PHF20: variants seen among roughly 807,000 people sequenced by gnomAD.
PHF20 encodes PHD finger protein 20.
PHF20 carries 23 observed loss-of-function variants against 113.5 expected under a neutral mutation model. The ratio of observed to expected loss-of-function variants is 0.20; its 90% confidence interval spans 0.15 to 0.29. The LOEUF (loss-of-function observed/expected upper bound fraction) is 0.29, where lower values mean the gene tolerates loss of function less well. PHF20 is among the 10% of genes least tolerant of loss of function. PHF20 has a pLI of 1.00. For missense variants in PHF20, 943 were observed against 1,219.6 expected (o/e 0.77, Z 3.38); for synonymous variants, 434 against 457.3 (o/e 0.95, Z 0.65).
chr20:35,793,880 C>G (rs1015513477), intron 1 of PHF20, among the ~76,000 whole-genome samples: 1 of 150,120 alleles, frequency 6.7e-6, no homozygotes, highest in Non-Finnish European at 1.5e-5. Flanking sequence ...CGCCTGTAAT[C>G]CCAGCTACTG....
intron 12 of PHF20, among the ~76,000 whole-genome samples, chr20:35,916,864 G>T (rs1313909498): frequency 6.6e-6 from 1 of 151,560 alleles, no homozygotes; most frequent in Non-Finnish European, 1.5e-5. Flanking sequence ...CAGGCTCAAG[G>T]GATCCTCCTG....
chr20:35,819,838 G>A (rs939173842), intron 2 of PHF20, among the ~76,000 whole-genome samples: 1 of 152,152 alleles, frequency 6.6e-6, no homozygotes, highest in Non-Finnish European at 1.5e-5. Context: ...GCCAAGGGTC[G>A]TTAATCATGT....
intron 2 of PHF20, among the ~76,000 whole-genome samples, chr20:35,811,272 C>G (rs2041972662): frequency 6.6e-6 from 1 of 152,094 alleles, no homozygotes; most frequent in South Asian, 2.1e-4. Flanking sequence ...ATCTTGATCT[C>G]TTGACCTCAT....
At chr20:35,936,607 G>T (rs528858121) in intron 15 of PHF20, among the ~76,000 whole-genome samples, 5 of 152,072 alleles carry the variant, frequency 3.3e-5, no homozygotes, top group African/African-American at 1.2e-4. Flanking sequence ...TCTTTGGAAT[G>T]GTGCGAATAA....
intron 2 of PHF20, among the ~76,000 whole-genome samples, chr20:35,812,666 C>T (rs777516658): frequency 2.4e-4 from 36 of 152,068 alleles, no homozygotes; most frequent in Non-Finnish European, 4.3e-4. Flanking sequence ...TGCATCACAT[C>T]GGGGGACACA....
intron 2 of PHF20, among the ~76,000 whole-genome samples, chr20:35,821,295 A>C (rs2042163775): frequency 6.6e-6 from 1 of 151,552 alleles, no homozygotes; most frequent in Non-Finnish European, 1.5e-5. Flanking sequence ...ATTAGCCTGG[A>C]GTGTTGGTGG....
intron 10 of PHF20, among the ~76,000 whole-genome samples, chr20:35,900,625 G>A (rs1250499855): frequency 6.6e-6 from 1 of 152,196 alleles, no homozygotes; most frequent in Non-Finnish European, 1.5e-5. Context: ...CCTGAGGTCA[G>A]GAGTTCGAGA....
At chr20:35,895,545 CTA>C (rs1478503448) in intron 9 of PHF20, among the ~76,000 whole-genome samples, 1 of 152,056 alleles carries the variant, frequency 6.6e-6, no homozygotes, top group African/African-American at 2.4e-5. Flanking sequence ...CCAAAATAAA[CTA>C]TTTTTTGTTT....
At chr20:35,920,072 A>G (rs938374666) in intron 13 of PHF20, among the ~76,000 whole-genome samples, 3 of 152,206 alleles carry the variant, frequency 2.0e-5, no homozygotes, top group African/African-American at 7.2e-5. Flanking sequence ...CACTCCCGCA[A>G]TCAAGGTACT....
At chr20:35,772,495 T>A (rs1184257442) in intron 1 of PHF20, among the ~76,000 whole-genome samples, 2 of 152,220 alleles carry the variant, frequency 1.3e-5, no homozygotes, top group Non-Finnish European at 2.9e-5. Context: ...GGAATATGTT[T>A]TTTAAAATTG....
chr20:35,818,580 C>T (rs2042115099), intron 2 of PHF20, among the ~76,000 whole-genome samples: 1 of 151,946 alleles, frequency 6.6e-6, no homozygotes. Context: ...TGCTCTGTCA[C>T]CAAGGCTGGA....
chr20:35,881,862 G>C (rs567466959), intron 9 of PHF20, among the ~76,000 whole-genome samples: 1 of 152,378 alleles, frequency 6.6e-6, no homozygotes, highest in East Asian at 1.9e-4. Flanking sequence ...ACACTGGCCT[G>C]CAGGGCCCAG....
intron 5 of PHF20, 105 bp downstream of exon 5, chr20:35,858,486 T>G (rs2042878352): frequency 1.7e-6 from 1 of 604,114 alleles, no homozygotes; most frequent in East Asian, 2.9e-5. Flanking sequence ...AAGTGTTTAT[T>G]TCCTCCATCT....
intron 10 of PHF20, among the ~76,000 whole-genome samples, chr20:35,909,057 T>C (rs1464423807): frequency 6.6e-6 from 1 of 152,076 alleles, no homozygotes; most frequent in South Asian, 2.1e-4. Flanking sequence ...AGATTTCCAG[T>C]AAAATGTTGA....
chr20:35,923,578 TACCTTATCCCC>T (rs1327337860), intron 13 of PHF20, among the ~76,000 whole-genome samples: 3 of 152,204 alleles, frequency 2.0e-5, no homozygotes, highest in South Asian at 2.1e-4. Flanking sequence ...CACAGAGAAA[TACCTTATCCCC>T]ACCTTATCCC....
intron 1 of PHF20, among the ~76,000 whole-genome samples, chr20:35,786,184 C>G (rs1047068187): frequency 6.7e-6 from 1 of 149,128 alleles, no homozygotes; most frequent in East Asian, 2.0e-4. Flanking sequence ...GTCAGGAGAT[C>G]GAGACCATCC....
intron 9 of PHF20, among the ~76,000 whole-genome samples, chr20:35,888,137 T>A (rs1384676785): frequency 6.6e-6 from 1 of 152,062 alleles, no homozygotes; most frequent in Non-Finnish European, 1.5e-5. Flanking sequence ...TGCACCACCA[T>A]GCCCGGCTAA....
intron 2 of PHF20, among the ~76,000 whole-genome samples, chr20:35,807,502 C>T (rs761076370): frequency 2.0e-5 from 3 of 151,782 alleles, no homozygotes; most frequent in South Asian, 2.1e-4. Context: ...TACAGATGCC[C>T]GCCACCATGC....
intron 9 of PHF20, chr20:35,878,783 C>A: frequency 1.5e-6 from 1 of 688,778 alleles, no homozygotes; most frequent in Non-Finnish European, 2.6e-6. Context: ...TTTAGTTAGA[C>A]GTCTCATTAT....
Sources: gnomAD v4.1 joint callset for allele counts (sites outside exome capture counted in the v4.1 genomes callset) on GRCh38, gnomAD v4.1.1 for gene constraint, MANE v1.5 for transcripts, NCBI Gene and HGNC (gene_info 2026-07-23, HGNC 2026-07-21) for gene names.